WDR7: variants seen among roughly 807,000 people sequenced by gnomAD.
WDR7 encodes WD repeat domain 7.
WDR7 carries 46 observed loss-of-function variants against 169.4 expected under a neutral mutation model. The ratio of observed to expected loss-of-function variants is 0.27; its 90% CI spans 0.21 to 0.35. The LOEUF is 0.35. WDR7 is among the 10% of genes least tolerant of loss of function. The pLI, the probability that WDR7 is intolerant of heterozygous loss-of-function variation, is 1.00. For missense variants in WDR7, 1,534 were observed against 1,859.3 expected (o/e 0.83, Z 3.22); for synonymous variants, 612 against 666.8 (o/e 0.92, Z 1.27).
At chr18:56,874,653 T>C (rs945444610) in intron 20 of WDR7, among the ~76,000 whole-genome samples, 1 of 152,144 alleles carries the variant, frequency 6.6e-6, no homozygotes, top group African/African-American at 2.4e-5. Context: ...AACTAAACTT[T>C]TACGTGAGCA....
intron 9 of WDR7, among the ~76,000 whole-genome samples, chr18:56,692,130 A>G (rs556314752): frequency 6.6e-6 from 1 of 152,360 alleles, no homozygotes; most frequent in South Asian, 2.1e-4. Context: ...TCATGCAATT[A>G]TAAACATAGT....
chr18:56,659,993 T>A (rs1207105449), intron 1 of WDR7, among the ~76,000 whole-genome samples: 1 of 152,110 alleles, frequency 6.6e-6, no homozygotes, highest in African/African-American at 2.4e-5. Flanking sequence ...GTGGTTGTAG[T>A]GAAAGTGTTG....
At chr18:56,863,762 A>C (rs1213798005) in intron 20 of WDR7, among the ~76,000 whole-genome samples, 4 of 151,618 alleles carry the variant, frequency 2.6e-5, no homozygotes, top group Admixed American at 2.0e-4. Context: ...TTTTTCTTGA[A>C]TTTTCCCAAA....
intron 27 of WDR7, among the ~76,000 whole-genome samples, chr18:57,023,366 T>C (rs1168229519): frequency 3.3e-5 from 5 of 152,354 alleles, no homozygotes; most frequent in South Asian, 4.1e-4. Context: ...ATACAGAGCC[T>C]TACTAAAGCT....
At chr18:56,822,063 A>C (rs2045108239) in intron 20 of WDR7, among the ~76,000 whole-genome samples, 1 of 152,166 alleles carries the variant, frequency 6.6e-6, no homozygotes, top group South Asian at 2.1e-4. Context: ...AGTAGCTGGT[A>C]CTACAGGTGT....
chr18:56,731,073 A>G (rs2026574958), intron 13 of WDR7, among the ~76,000 whole-genome samples: 1 of 152,178 alleles, frequency 6.6e-6, no homozygotes, highest in African/African-American at 2.4e-5. Context: ...GTGCGATGGG[A>G]CAGGAGTAGT....
chr18:56,918,094 C>T (rs993508017), intron 21 of WDR7, among the ~76,000 whole-genome samples: 7 of 152,094 alleles, frequency 4.6e-5, no homozygotes, highest in Non-Finnish European at 7.4e-5. Flanking sequence ...GTCTGCATTT[C>T]GGTAGTTTAT....
chr18:56,695,845 A>G (rs1438630656), intron 11 of WDR7, among the ~76,000 whole-genome samples: 10 of 152,242 alleles, frequency 6.6e-5, no homozygotes, highest in Admixed American at 6.5e-4. Context: ...CCATACCTGT[A>G]ATTTCCTAAT....
intron 12 of WDR7, among the ~76,000 whole-genome samples, chr18:56,713,093 G>A (rs1200884401): frequency 6.6e-6 from 1 of 152,102 alleles, no homozygotes; most frequent in Non-Finnish European, 1.5e-5. Context: ...TCACAAAATG[G>A]GCAGGGAAAA....
intron 16 of WDR7, among the ~76,000 whole-genome samples, chr18:56,768,133 G>T (rs1457856631): frequency 1.3e-5 from 2 of 152,082 alleles, no homozygotes; most frequent in Admixed American, 1.3e-4. Flanking sequence ...CACCATGATG[G>T]TGTTAGATTT....
chr18:56,749,181 T>G (rs980695303), intron 14 of WDR7, among the ~76,000 whole-genome samples: 4 of 152,064 alleles, frequency 2.6e-5, no homozygotes, highest in Non-Finnish European at 5.9e-5. Flanking sequence ...AGAGTAAAAT[T>G]ATAAAATATT....
At chr18:56,924,153 T>G (rs771640385) in intron 22 of WDR7, 45 bp downstream of exon 22, 1 of 1,599,210 alleles carries the variant, frequency 6.3e-7, no homozygotes, top group Non-Finnish European at 8.5e-7. Context: ...TGTTTTTTGT[T>G]TTAGGGGTTT....
At chr18:57,001,628 A>G (rs995926334) in intron 26 of WDR7, among the ~76,000 whole-genome samples, 1 of 152,184 alleles carries the variant, frequency 6.6e-6, no homozygotes, top group African/African-American at 2.4e-5. Context: ...GTATACAACC[A>G]TGTGACCACC....
chr18:56,929,406 C>G (rs2046850484), intron 22 of WDR7, among the ~76,000 whole-genome samples: 1 of 152,132 alleles, frequency 6.6e-6, no homozygotes, highest in South Asian at 2.1e-4. Context: ...TAACATTTGC[C>G]AAGTGATTTG....
At chr18:56,968,958 T>C (rs537336005) in intron 26 of WDR7, among the ~76,000 whole-genome samples, 13 of 152,324 alleles carry the variant, frequency 8.5e-5, no homozygotes, top group African/African-American at 2.9e-4. Flanking sequence ...TCTATACTTT[T>C]TCCTGACTTT....
intron 20 of WDR7, among the ~76,000 whole-genome samples, chr18:56,843,467 A>G (rs151281882): frequency 3.5e-4 from 54 of 152,320 alleles, no homozygotes; most frequent in African/African-American, 1.2e-3. Flanking sequence ...GTGGAATCAA[A>G]TAAGTGTCTG....
intron 25 of WDR7, among the ~76,000 whole-genome samples, chr18:56,942,637 G>A (rs2047049288): frequency 6.6e-6 from 1 of 152,100 alleles, no homozygotes; most frequent in South Asian, 2.1e-4. Flanking sequence ...ATGTTTTTGT[G>A]ACCAGAAATG....
chr18:56,833,034 C>T (rs979425755), intron 20 of WDR7, among the ~76,000 whole-genome samples: 6 of 151,966 alleles, frequency 3.9e-5, no homozygotes, highest in Admixed American at 6.6e-5. Context: ...TAATAACAAA[C>T]TCCTTGAACC....
intron 26 of WDR7, among the ~76,000 whole-genome samples, chr18:57,014,459 C>A (rs1000994577): frequency 6.6e-6 from 1 of 151,944 alleles, no homozygotes; most frequent in Admixed American, 6.5e-5. Flanking sequence ...GAGTTCAAGA[C>A]CAGCCTGACC....
Sources: allele counts gnomAD v4.1 joint callset (sites outside exome capture counted in the v4.1 genomes callset), GRCh38; gene constraint gnomAD v4.1.1; transcripts MANE v1.5; gene names NCBI Gene and HGNC (gene_info 2026-07-23, HGNC 2026-07-21).